Variants in CLSTN1 observed in about 807,000 individuals in gnomAD.
The protein encoded by CLSTN1 is calsyntenin 1.
In CLSTN1, 28 loss-of-function variants were observed where a neutral mutation model predicts 108.3. That is an observed-to-expected ratio of 0.26 (90% CI 0.19 to 0.35). The LOEUF is 0.35. Among genes scored for constraint, CLSTN1 ranks in the 10% least tolerant of loss-of-function variants. The pLI is 1.00. For missense variants in CLSTN1, 1,157 were observed against 1,302.6 expected (o/e 0.89, Z 1.72); for synonymous variants, 524 against 534.9 (o/e 0.98, Z 0.28).
intron 2 of CLSTN1, among the ~76,000 whole-genome samples, chr1:9,767,544 C>CAAA (rs764744601): frequency 9.3e-6 from 1 of 107,884 alleles, no homozygotes; most frequent in African/African-American, 3.2e-5. Flanking sequence ...GACTCCATCT[C>CAAA]AAAAAAAAAA....
intron 1 of CLSTN1, among the ~76,000 whole-genome samples, chr1:9,776,890 C>A (rs1259032466): frequency 1.3e-5 from 2 of 151,436 alleles, no homozygotes; most frequent in African/African-American, 4.9e-5. Flanking sequence ...ATCTATCTAT[C>A]TATCTATCTA....
intron 1 of CLSTN1, among the ~76,000 whole-genome samples, chr1:9,801,439 A>G (rs1465917949): frequency 6.6e-6 from 1 of 152,236 alleles, no homozygotes; most frequent in African/African-American, 2.4e-5. Flanking sequence ...GAAAAGTACC[A>G]GACCCAGATG....
At chr1:9,773,926 C>T (rs1417237042) in intron 1 of CLSTN1, among the ~76,000 whole-genome samples, 2 of 150,696 alleles carry the variant, frequency 1.3e-5, no homozygotes, top group Non-Finnish European at 3.0e-5. Flanking sequence ...ACTCTTTGTA[C>T]AGACAGGGTT....
intron 1 of CLSTN1, among the ~76,000 whole-genome samples, chr1:9,806,443 G>T (rs1429276347): frequency 6.6e-6 from 1 of 152,160 alleles, no homozygotes; most frequent in African/African-American, 2.4e-5. Context: ...CCCTCTAAGG[G>T]ATTAGTTTAC....
At chr1:9,732,337 T>TAC (rs1650447006) in intron 16 of CLSTN1, among the ~76,000 whole-genome samples, 1 of 152,148 alleles carries the variant, frequency 6.6e-6, no homozygotes, top group African/African-American at 2.4e-5. Context: ...TAGCTGGGAC[T>TAC]ACAGGCAAGC....
chr1:9,765,308 C>T (rs1047141506), intron 2 of CLSTN1, among the ~76,000 whole-genome samples: 1 of 151,964 alleles, frequency 6.6e-6, no homozygotes, highest in Admixed American at 6.6e-5. Flanking sequence ...CGCTTGAACC[C>T]AGGAGGCGGA....
At chr1:9,771,627 T>C (rs1017022805) in intron 2 of CLSTN1, among the ~76,000 whole-genome samples, 5 of 150,832 alleles carry the variant, frequency 3.3e-5, no homozygotes, top group Non-Finnish European at 7.4e-5. Flanking sequence ...AAAAAAAAAA[T>C]GTGGGGGAAA....
chr1:9,769,919 A>C (rs1234077420), intron 2 of CLSTN1, among the ~76,000 whole-genome samples: 1 of 152,022 alleles, frequency 6.6e-6, no homozygotes, highest in African/African-American at 2.4e-5. Context: ...AGTCCCAGCT[A>C]ATCGGGAGGC....
chr1:9,804,695 T>C (rs1465605941), intron 1 of CLSTN1, among the ~76,000 whole-genome samples: 1 of 151,648 alleles, frequency 6.6e-6, no homozygotes, highest in Non-Finnish European at 1.5e-5. Flanking sequence ...AAATACAAAA[T>C]TTCAGGCAGG....
intron 1 of CLSTN1, among the ~76,000 whole-genome samples, chr1:9,779,023 C>CA (rs70998309): frequency 0.087 from 8,862 of 102,028 alleles, 1,000 homozygotes; most frequent in East Asian, 0.6. Context: ...GACTTCGTCT[C>CA]AAAAAAAAAA....
intron 2 of CLSTN1, among the ~76,000 whole-genome samples, chr1:9,769,922 C>T (rs1274402052): frequency 3.3e-5 from 5 of 151,452 alleles, no homozygotes; most frequent in Non-Finnish European, 7.4e-5. Flanking sequence ...CCCAGCTAAT[C>T]GGGAGGCTGA....
chr1:9,755,095 C>G lies in CLSTN1; in HGVS notation c.440+19G>C. ...GTTTACTCGGTGGGTTATGTTCACTCTTTGTCCAGCTTACTTACTTATGAG... is the reference window on the plus strand; with the variant it reads ...GTTTACTCGGTGGGTTATGTTCACTGTTTGTCCAGCTTACTTACTTATGAG... On this transcript the variant is annotated intron_variant, in intron 4 of 18. Coordinates refer to ENST00000377298, the MANE Select transcript of CLSTN1 (RefSeq NM_001009566.3). 1 of 1,601,220 alleles carries G rather than the reference C, an allele frequency of 6.2e-7. No individual in the cohort carries two copies. The highest frequency in any genetic ancestry group is 1.1e-5 in the South Asian group (1 of 90,194).
rs531812070 is a variant in CLSTN1 at position 9,793,065 on chromosome 1, T to C, written c.92-19671A>G. Among the ~76,000 whole-genome samples the C allele has an allele frequency of 3.7e-4, 56 of 151,248 alleles. 9 individuals are homozygous for C. In the South Asian group the frequency reaches 0.012, roughly 32 times the overall value. On this transcript the variant is annotated intron_variant, in intron 1 of 18. Transcript: ENST00000377298. The stretch of plus-strand genomic sequence containing the variant: ...CTCAATCTGTCCGCCCAGGCTGGAG[T>C]GCAGTGGTGTGATCTCAGCTCACTG...
chr1:9,809,673 C>G (rs1426100740), intron 1 of CLSTN1, among the ~76,000 whole-genome samples: 1 of 151,914 alleles, frequency 6.6e-6, no homozygotes, highest in Non-Finnish European at 1.5e-5. Flanking sequence ...GAGGCCTGGG[C>G]AGGTGGATCA....
chr1:9,821,378 T>C (rs1027000282), intron 1 of CLSTN1, among the ~76,000 whole-genome samples: 4 of 152,180 alleles, frequency 2.6e-5, no homozygotes, highest in Admixed American at 6.6e-5. Context: ...GGTGATCCGC[T>C]GGCCTCGGCC....
intron 3 of CLSTN1, among the ~76,000 whole-genome samples, chr1:9,755,910 T>C (rs535384886): frequency 3.3e-5 from 5 of 152,168 alleles, no homozygotes; most frequent in Non-Finnish European, 5.9e-5. Context: ...TCGTCAGGCA[T>C]CCATTTCAAC....
chr1:9,735,426 C>A, intron 13 of CLSTN1, 41 bp downstream of exon 13: 1 of 1,613,716 alleles, frequency 6.2e-7, no homozygotes, highest in South Asian at 1.1e-5. Context: ...ATACAAGTGT[C>A]ATTGGGCAAA....
intron 1 of CLSTN1, among the ~76,000 whole-genome samples, chr1:9,796,679 GCCT>G (rs1557719462): frequency 1.3e-5 from 2 of 149,884 alleles, no homozygotes. Context: ...GCGAGACTCC[GCCT>G]CAAAAAAAAG....
intron 1 of CLSTN1, among the ~76,000 whole-genome samples, chr1:9,804,641 T>C (rs1654429548): frequency 6.6e-6 from 1 of 152,122 alleles, no homozygotes; most frequent in South Asian, 2.1e-4. Context: ...GCCCAGGATT[T>C]TGAGACCAGC....
Sources: gnomAD v4.1 joint callset for allele counts (sites outside exome capture counted in the v4.1 genomes callset) on GRCh38, gnomAD v4.1.1 for gene constraint, MANE v1.5 for transcripts, NCBI Gene and HGNC (gene_info 2026-07-23, HGNC 2026-07-21) for gene names.